GLMN: variants seen among roughly 807,000 people sequenced by gnomAD.
GLMN encodes glomulin.
In GLMN, 75 loss-of-function variants were observed where a neutral mutation model predicts 87.8. That is an observed-to-expected ratio of 0.85 (90% CI 0.71 to 1.04). The LOEUF (loss-of-function observed/expected upper bound fraction) is 1.04. GLMN is among the 50% of genes least tolerant of loss of function. GLMN has a pLI of 0.00. For missense variants in GLMN, 588 were observed against 658.8 expected, an observed-to-expected ratio of 0.89 and a Z score of 1.18; for synonymous variants, 206 against 221.6, an observed-to-expected ratio of 0.93 and a Z score of 0.63.
intron 12 of GLMN, 101 bp from the exon 13 acceptor site, chr1:92,266,593 C>T (rs754711361): frequency 1.9e-6 from 2 of 1,072,124 alleles, no homozygotes; most frequent in South Asian, 2.8e-5. Context: ...ACTTGTACCT[C>T]CTAAATAAAA....
At chr1:92,269,217 T>A (rs1352110184) in intron 9 of GLMN, among the ~76,000 whole-genome samples, 4 of 151,520 alleles carry the variant, frequency 2.6e-5, no homozygotes, top group East Asian at 1.9e-4. Context: ...TTTTTTTTTT[T>A]AAATAGAAAG....
At chr1:92,314,906 A>G in the GLMN span, among the ~76,000 whole-genome samples, 4 of 145,942 alleles carry the variant, frequency 2.7e-5, no homozygotes, top group African/African-American at 1.0e-4. Context: ...TTAACCGGGC[A>G]TGGTGGCTCA....
At chr1:92,288,049 A>T (rs572300678) in intron 6 of GLMN, among the ~76,000 whole-genome samples, 43 of 134,124 alleles carry the variant, frequency 3.2e-4, no homozygotes, top group Admixed American at 5.6e-4. Context: ...TTTTTTTTTT[A>T]AATAACAAGT....
intron 16 of GLMN, among the ~76,000 whole-genome samples, chr1:92,259,994 CAA>C (rs1440887580): frequency 6.6e-6 from 1 of 152,034 alleles, no homozygotes; most frequent in Admixed American, 6.6e-5. Context: ...CTTGGCCTTC[CAA>C]AGAGCTGGGA....
At chr1:92,333,331 T>C in the GLMN span, 3 of 1,342,172 alleles carry the variant, frequency 2.2e-6, no homozygotes, top group Non-Finnish European at 3.2e-6. Context: ...TTGTTCTGCT[T>C]ATCAAAGAAA....
chr1:92,350,978 A>G, the GLMN span, among the ~76,000 whole-genome samples: 7 of 151,832 alleles, frequency 4.6e-5, no homozygotes, highest in African/African-American at 1.7e-4. Flanking sequence ...TATATACTCT[A>G]CTGTGTAAAG....
intron 7 of GLMN, among the ~76,000 whole-genome samples, chr1:92,278,663 C>T (rs544915762): frequency 2.6e-5 from 4 of 152,196 alleles, no homozygotes; most frequent in African/African-American, 9.6e-5. Flanking sequence ...GCTTCTACAC[C>T]ATTCTCTCCC....
Position 92,290,254 on chromosome 1 carries a change from G to C in GLMN, c.338C>G (p.Pro113Arg). ...LLGLLELIEE[P>R]SGKQISQSIL... ...ACTTTGGGATATCTGTTTTCCAGAG[G>C]GCTCTTCAATCAGTTCAAGCAAACC... Residue 113 changes from proline to arginine, a missense_variant, in exon 5 of 19, where the codon CCC becomes CGC. Coordinates refer to ENST00000370360, the MANE Select transcript of GLMN (RefSeq NM_053274.3). 1 of 1,610,918 alleles carries C rather than the reference G, an allele frequency of 6.2e-7. No individual in the cohort carries two copies. Among genetic ancestry groups the C allele is most frequent in the South Asian group, 1.1e-5 (1 of 91,024 alleles).
chr1:92,282,903 T>G (rs932466772), intron 7 of GLMN, among the ~76,000 whole-genome samples: 3 of 152,120 alleles, frequency 2.0e-5, no homozygotes, highest in African/African-American at 7.2e-5. Context: ...CCCAGACACA[T>G]ACACCCTCCC....
chr1:92,342,579 G>C, the GLMN span, among the ~76,000 whole-genome samples: 61 of 152,308 alleles, frequency 4.0e-4, no homozygotes, highest in African/African-American at 1.4e-3. Flanking sequence ...CTGCCAAGTT[G>C]ATAATTACAA....
upstream of GLMN, chr1:92,301,630 A>G: frequency 1.2e-6 from 1 of 858,660 alleles, no homozygotes. Flanking sequence ...TTGTAGTATA[A>G]CATCTTTAAA....
the GLMN span, among the ~76,000 whole-genome samples, chr1:92,327,437 TG>T: frequency 6.6e-6 from 1 of 152,264 alleles, no homozygotes; most frequent in African/African-American, 2.4e-5. Flanking sequence ...TTTAAACTGC[TG>T]TTGCTTTAAA....
At chr1:92,323,254 G>A in the GLMN span, among the ~76,000 whole-genome samples, 1 of 151,574 alleles carries the variant, frequency 6.6e-6, no homozygotes, top group Admixed American at 6.6e-5. Flanking sequence ...ATTAACAGAT[G>A]TACTGAAATT....
the GLMN span, chr1:92,304,115 T>C: frequency 6.9e-7 from 1 of 1,440,876 alleles, no homozygotes; most frequent in East Asian, 2.3e-5. Context: ...GCTTTTATTA[T>C]TTTCATTTAG....
chr1:92,362,160 G>T, the GLMN span, among the ~76,000 whole-genome samples: 4 of 152,166 alleles, frequency 2.6e-5, no homozygotes, highest in African/African-American at 4.8e-5. Context: ...TTATTCCCAG[G>T]TGTATTAAGA....
At chr1:92,260,765 G>GGGA (rs1553136625) in intron 16 of GLMN, among the ~76,000 whole-genome samples, 9 of 100,078 alleles carry the variant, frequency 9.0e-5, no homozygotes, top group Non-Finnish European at 1.5e-4. Context: ...CTTTGAGATG[G>GGGA]AAAAAAAAAA....
the GLMN span, among the ~76,000 whole-genome samples, chr1:92,358,712 C>T: frequency 8.6e-5 from 13 of 152,026 alleles, no homozygotes; most frequent in South Asian, 4.2e-4. Context: ...CTCAGCCTCC[C>T]GTGCAGCTGG....
the GLMN span, among the ~76,000 whole-genome samples, chr1:92,360,023 C>T: frequency 2.6e-5 from 4 of 152,034 alleles, no homozygotes; most frequent in Admixed American, 6.5e-5. Context: ...TTCCACTCAC[C>T]AACGGAAGAA....
the GLMN span, among the ~76,000 whole-genome samples, chr1:92,345,399 AAAGAG>A: frequency 9.0e-5 from 13 of 143,770 alleles, no homozygotes; most frequent in African/African-American, 2.9e-4. Flanking sequence ...AAAAAAAAAA[AAAGAG>A]AGAGAGAGAA....
Sources: gnomAD v4.1 joint callset for allele counts (sites outside exome capture counted in the v4.1 genomes callset) on GRCh38, gnomAD v4.1.1 for gene constraint, MANE v1.5 for transcripts, NCBI Gene and HGNC (gene_info 2026-07-23, HGNC 2026-07-21) for gene names.